The following PPBP variants were observed in gnomAD, a reference collection of about 807,000 sequenced individuals.
PPBP encodes the protein platelet basic protein.
Under a neutral mutation model 8.3 loss-of-function variants are expected in PPBP, and 8 were observed. That is an observed-to-expected ratio of 0.97 (90% CI 0.57 to 1.75). The LOEUF (loss-of-function observed/expected upper bound fraction) is 1.75. PPBP is among the 40% of genes most tolerant of loss of function. The probability of loss-of-function intolerance (pLI) is 0.00; values close to 1 mark genes in which losing one functional copy is unlikely to be tolerated. For synonymous variants in PPBP, 64 were observed against 58.9 expected (o/e 1.09, Z -0.40); for missense variants, 169 against 149.2 (o/e 1.13, Z -0.69).
chr4:73,988,136 A>G lies in PPBP; in HGVS notation c.-33T>C, dbSNP rs1435970091. On this transcript the variant is annotated 5_prime_UTR_variant, in exon 1 of 3. Coordinates refer to ENST00000296028, the MANE Select transcript of PPBP (RefSeq NM_002704.3). ...AAGGCTGAGCTAGAGTTGTTTCCAG[A>G]ACCAGAAGACCTCTGAGTGAGGGTG... 2 of 1,611,772 alleles carry G rather than the reference A, an allele frequency of 1.2e-6. No individual in the cohort carries two copies. Among genetic ancestry groups the G allele is most frequent in the South Asian group, 2.2e-5 (2 of 90,980 alleles).
intron 2 of PPBP, 53 bp from the exon 3 acceptor site, chr4:73,987,427 T>G (rs1010056470): frequency 2.5e-6 from 4 of 1,606,106 alleles, no homozygotes; most frequent in Non-Finnish European, 2.6e-6. Flanking sequence ...ATATCAGAAC[T>G]AATCCATGAG....
At chr4:73,987,689 T>C (rs1719002481) in intron 1 of PPBP, 37 bp from the exon 2 acceptor site, 2 of 1,598,106 alleles carry the variant, frequency 1.3e-6, no homozygotes, top group East Asian at 4.5e-5. Flanking sequence ...TGGTCATGAA[T>C]ATTTTCCTCA....
Position 73,987,656 on chromosome 4 carries a change from G to T in PPBP, c.149-4C>A. 1 of 1,606,946 alleles carries T rather than the reference G, an allele frequency of 6.2e-7. No homozygotes were observed. Among genetic ancestry groups the T allele is most frequent in the Non-Finnish European group, 8.5e-7 (1 of 1,173,888 alleles). On this transcript the variant is annotated splice_region_variant and splice_polypyrimidine_tract_variant and intron_variant, in intron 1 of 2. Transcript: ENST00000296028. ...AAGTCACTGTCTAGACTTTCCTCTA[G>T]GGTAGAAAATGTGACCTATTGGTGG... is the stretch of plus-strand genomic sequence containing the variant.
intron 2 of PPBP, 48 bp downstream of exon 2, chr4:73,987,469 G>A: frequency 6.2e-7 from 1 of 1,610,098 alleles, no homozygotes; most frequent in East Asian, 2.2e-5. Context: ...TGTGGATGGA[G>A]GTAGAGGGTT....
chr4:73,987,925 A>G (rs1719008007), intron 1 of PPBP, 31 bp downstream of exon 1: 4 of 1,613,894 alleles, frequency 2.5e-6, no homozygotes, highest in Non-Finnish European at 3.4e-6. Flanking sequence ...TAGCAGAAGC[A>G]GCAACAAGTG....
chr4:73,988,122 A>C lies in PPBP; in HGVS notation c.-19T>G. The C allele has an allele frequency of 6.2e-7, 1 of 1,613,806 alleles. No individual in the cohort carries two copies. Among genetic ancestry groups the C allele is most frequent in the Non-Finnish European group, 8.5e-7 (1 of 1,179,736 alleles). On this transcript the variant is annotated 5_prime_UTR_variant, in exon 1 of 3. Coordinates refer to ENST00000296028, the MANE Select transcript of PPBP (RefSeq NM_002704.3). Reference sequence around the variant, plus strand: ...GGCTCATGGTGGAGAAGGCTGAGCTAGAGTTGTTTCCAGAACCAGAAGACC... The same window carrying C: ...GGCTCATGGTGGAGAAGGCTGAGCTCGAGTTGTTTCCAGAACCAGAAGACC...
Position 73,987,237 on chromosome 4 carries a change from T to G in PPBP, c.*35A>C. 6.5e-7 allele frequency: 1 copy of G among 1,535,760 alleles called. No homozygotes were observed. Among genetic ancestry groups the G allele is most frequent in the Non-Finnish European group, 9.0e-7 (1 of 1,110,088 alleles). ...CAAGGTTTCAAAATTCTACCCTTCC[T>G]GGGAGTTAAAGAAGTTTGGCAGAAA... On this transcript the variant is annotated 3_prime_UTR_variant, in exon 3 of 3. Coordinates refer to ENST00000296028, the MANE Select transcript of PPBP (RefSeq NM_002704.3).
In PPBP at chr4:73,987,236, C is replaced by T. The variant is rs761020070; in HGVS notation, c.*36G>A. On this transcript the variant is annotated 3_prime_UTR_variant, in exon 3 of 3. Transcript: ENST00000296028. ...TCAAGGTTTCAAAATTCTACCCTTCCTGGGAGTTAAAGAAGTTTGGCAGAA... is the reference window on the plus strand; with the variant it reads ...TCAAGGTTTCAAAATTCTACCCTTCTTGGGAGTTAAAGAAGTTTGGCAGAA... 5.9e-6 allele frequency: 9 copies of T among 1,536,220 alleles called. No individual in the cohort carries two copies. Among genetic ancestry groups the T allele is most frequent in the Admixed American group, 1.7e-5 (1 of 59,722 alleles).
intron 1 of PPBP, 131 bp downstream of exon 1, chr4:73,987,825 C>G (rs1560546564): frequency 6.8e-7 from 1 of 1,475,168 alleles, no homozygotes; most frequent in Admixed American, 1.8e-5. Flanking sequence ...AAGTGACCCC[C>G]CTGTGTGTCT....
rs1036600377 is a variant in PPBP, at chr4:73,987,290, A to G, written c.369T>C (p.Gly123=). The change falls in exon 3 of 3, where the codon GGT becomes GGC. Residue 123 remains glycine, a synonymous_variant. Coordinates refer to ENST00000296028, the MANE Select transcript of PPBP (RefSeq NM_002704.3). ...GAACAAATTAATCAGCAGATTCATCACCTGCCAATTTTTTCTGTACAATTT... is the reference window on the plus strand; with the variant it reads ...GAACAAATTAATCAGCAGATTCATCGCCTGCCAATTTTTTCTGTACAATTT... ...IKKIVQKKLA[G]DESAD The G allele has an allele frequency of 2.4e-5, 38 of 1,611,778 alleles. No individual in the cohort carries two copies. Among genetic ancestry groups the G allele is most frequent in the Non-Finnish European group, 3.1e-5 (36 of 1,178,010 alleles).
At chr4:73,987,861 T>C in intron 1 of PPBP, 95 bp downstream of exon 1, 6 of 1,556,242 alleles carry the variant, frequency 3.9e-6, no homozygotes, top group Non-Finnish European at 5.3e-6. Flanking sequence ...ATTGGTATAA[T>C]GGCCCTCTCC....
chr4:73,987,008 A>T lies in PPBP; in HGVS notation c.*264T>A, dbSNP rs1718984247. The T allele has an allele frequency of 4.9e-6, 2 of 408,658 alleles. No individual in the cohort carries two copies. Among genetic ancestry groups the T allele is most frequent in the Non-Finnish European group, 4.4e-6 (1 of 229,386 alleles). The allele number at this position is 408,658 out of a possible 1,614,324, so 25.3% of individuals were successfully genotyped here. On this transcript the variant is annotated 3_prime_UTR_variant, in exon 3 of 3. Coordinates refer to ENST00000296028, the MANE Select transcript of PPBP (RefSeq NM_002704.3). ...AAGTTGTGTTAGAATAGAAATTTTT[A>T]AAGAAAAAAATGCAAAGTACAGTCC...
In PPBP at chr4:73,986,971, G is replaced by GA; in HGVS notation, c.*300dup. ...GTCTAATAACCATAAAGTAGACCAG[G>GA]AAAAATCAACCAAGTTGTGTTAGAA... On this transcript the variant is annotated 3_prime_UTR_variant, in exon 3 of 3. Coordinates refer to ENST00000296028, the MANE Select transcript of PPBP (RefSeq NM_002704.3). The GA allele has an allele frequency of 3.0e-6, 1 of 335,224 alleles. No individual in the cohort carries two copies. Among genetic ancestry groups the GA allele is most frequent in the African/African-American group, 2.2e-5 (1 of 45,590 alleles). 20.8% of individuals were successfully genotyped at this position (335,224 alleles called of 1,614,324 possible). A position where few individuals can be genotyped will look rare whatever the true frequency, so the allele number is the denominator to read the frequency against.
In PPBP at chr4:73,987,579, G is replaced by A. The variant is rs781700993; in HGVS notation, c.222C>T (p.Pro74=). 1 of 1,614,112 alleles carries A rather than the reference G, an allele frequency of 6.2e-7. No homozygotes were observed. Among genetic ancestry groups the A allele is most frequent in the East Asian group, 2.2e-5 (1 of 44,880 alleles). Residue 74 remains proline, a synonymous_variant, in exon 2 of 3, where the codon CCC becomes CCT. Transcript: ENST00000296028. ...TCACTTCCAAACTTTGGATGTTTTT[G>A]GGATGAATTCCAGAGGTTGTCTTTA... ...MCIKTTSGIH[P]KNIQSLEVIG...
rs1182192851 is a variant in PPBP, at chr4:73,987,156, C to A, written c.*116G>T. 2.2e-6 allele frequency: 2 copies of A among 910,862 alleles called. No individual in the cohort carries two copies. The highest frequency in any genetic ancestry group is 3.4e-6 in the Non-Finnish European group (2 of 590,194). 56.4% of individuals were successfully genotyped at this position (910,862 alleles called of 1,614,324 possible). On this transcript the variant is annotated 3_prime_UTR_variant, in exon 3 of 3. Transcript: ENST00000296028. ...TTTTGAGACAGAATGAAACACATAT[C>A]CAAATTTTAATACAGTAAGAATAGG...
Position 73,987,390 on chromosome 4 carries a change from G to T in PPBP, c.285-16C>A. 6.2e-7 allele frequency: 1 copy of T among 1,610,306 alleles called. No individual in the cohort carries two copies. Among genetic ancestry groups the T allele is most frequent in the Middle Eastern group, 1.7e-4 (1 of 6,052 alleles). On this transcript the variant is annotated splice_polypyrimidine_tract_variant and intron_variant, in intron 2 of 2. Coordinates refer to ENST00000296028, the MANE Select transcript of PPBP (RefSeq NM_002704.3). ...CAGTGTGGCTCTGCAAAAGAGAACA[G>T]GGTTATCTGTGGGTGTCCTGATCTG...
In PPBP at chr4:73,987,323, T is replaced by A. The variant is rs1381650735; in HGVS notation, c.336A>T (p.Arg112Ser). 1 of 1,614,050 alleles carries A rather than the reference T, an allele frequency of 6.2e-7. No homozygotes were observed. The highest frequency in any genetic ancestry group is 1.3e-5 in the African/African-American group (1 of 75,054). ...ATTTTTTCTGTACAATTTTCTTGAT[T>A]CTGGGAGCATCTGGGTCCAGGCAGA... ...RKICLDPDAP[R>S]IKKIVQKKLA... The change falls in exon 3 of 3, where the codon AGA (arginine) becomes AGT (serine). Residue 112 changes from arginine to serine, a missense_variant. Transcript: ENST00000296028.
rs1038097719 is a variant in PPBP at position 73,986,729 on chromosome 4, C to T, written c.*543G>A. Among the ~76,000 whole-genome samples, 4 of 152,030 alleles carry T rather than the reference C, an allele frequency of 2.6e-5. No homozygotes were observed. The highest frequency in any genetic ancestry group is 5.9e-5 in the Non-Finnish European group (4 of 67,996). ...CCACAGTTTATAAGATTCATATTCA[C>T]CAATTTATTATTTTAGTGTTTGATG... On this transcript the variant is annotated 3_prime_UTR_variant, in exon 3 of 3. Transcript: ENST00000296028.
Position 73,987,178 on chromosome 4 carries a change from T to A in PPBP, c.*94A>T. The stretch of plus-strand genomic sequence containing the variant: ...TATCCAAATTTTAATACAGTAAGAA[T>A]AGGTATCCTGAATAAATGAGAACTC... On this transcript the variant is annotated 3_prime_UTR_variant, in exon 3 of 3. Transcript: ENST00000296028. 1 of 1,067,850 alleles carries A rather than the reference T, an allele frequency of 9.4e-7. No individual in the cohort carries two copies. The highest frequency in any genetic ancestry group is 2.4e-5 in the East Asian group (1 of 41,558). The allele number at this position is 1,067,850 out of a possible 1,614,324, so 66.1% of individuals were successfully genotyped here.
Sources: gnomAD v4.1 joint callset for allele counts (sites outside exome capture counted in the v4.1 genomes callset) on GRCh38, gnomAD v4.1.1 for gene constraint, MANE v1.5 for transcripts, NCBI Gene and HGNC (gene_info 2026-07-23, HGNC 2026-07-21) for gene names.